The following FTO variants were observed in gnomAD, a reference collection of about 807,000 sequenced individuals.
FTO encodes the protein alpha-ketoglutarate-dependent dioxygenase FTO.
In FTO, 47 loss-of-function variants were observed where a neutral mutation model predicts 63.9. The ratio of observed to expected loss-of-function variants is 0.74; its 90% CI spans 0.58 to 0.94. The LOEUF is 0.94. Ranked by LOEUF, FTO falls within the 40% of genes least tolerant of loss-of-function variation. The pLI is 0.00. For missense variants in FTO, 562 were observed against 618.1 expected, an observed-to-expected ratio of 0.91 and a Z score of 0.96; for synonymous variants, 207 against 224.4, an observed-to-expected ratio of 0.92 and a Z score of 0.69.
At chr16:54,005,668 A>ATCATCAAACAACTACTATATACT in intron 8 of FTO, among the ~76,000 whole-genome samples, 1 of 152,222 alleles carries the variant, frequency 6.6e-6, no homozygotes, top group African/African-American at 2.4e-5. Context: ...TGATTCATGA[A>ATCATCAAACAACTACTATATACT]GTATTTATCA....
chr16:53,787,003 C>T (rs932415952), intron 1 of FTO, among the ~76,000 whole-genome samples: 2 of 146,482 alleles, frequency 1.4e-5, no homozygotes, highest in East Asian at 2.0e-4. Flanking sequence ...CCCAGCTACT[C>T]GGGAGGCTGA....
intron 7 of FTO, among the ~76,000 whole-genome samples, chr16:53,907,461 G>A (rs2081567839): frequency 1.3e-5 from 2 of 152,172 alleles, no homozygotes; most frequent in African/African-American, 4.8e-5. Context: ...GAGAGAGTAT[G>A]GGACTGTGTG....
chr16:53,902,891 A>T (rs2081438106), intron 7 of FTO, among the ~76,000 whole-genome samples: 1 of 152,202 alleles, frequency 6.6e-6, no homozygotes, highest in Admixed American at 6.5e-5. Flanking sequence ...AGGGGCGAGG[A>T]TCACTTCAGA....
chr16:53,940,398 G>C (rs2082499582), intron 8 of FTO, among the ~76,000 whole-genome samples: 1 of 152,102 alleles, frequency 6.6e-6, no homozygotes, highest in Non-Finnish European at 1.5e-5. Flanking sequence ...TTCCAAATGG[G>C]GCTGTCATTA....
Position 54,120,691 on chromosome 16 carries a change from C to G in FTO, c.*8776C>G, listed in dbSNP as rs2086999411. On this transcript the variant is annotated 3_prime_UTR_variant, in exon 9 of 9. Coordinates refer to ENST00000471389, the MANE Select transcript of FTO (RefSeq NM_001080432.3). The stretch of plus-strand genomic sequence containing the variant: ...GAAGGCTGTGAACATTCTTGAGCCC[C>G]CCTCCCAAGTTCACCTTCAACATCC... The G allele has an allele frequency of 6.6e-6, 1 of 152,006 alleles. No homozygotes were observed. Among genetic ancestry groups the G allele is most frequent in the African/African-American group, 2.4e-5 (1 of 41,386 alleles). 9.4% of individuals were successfully genotyped at this position (152,006 alleles called of 1,614,324 possible). A position where few individuals can be genotyped will look rare whatever the true frequency, so the allele number is the denominator to read the frequency against.
intron 8 of FTO, among the ~76,000 whole-genome samples, chr16:54,027,704 C>T (rs2084746292): frequency 6.6e-6 from 1 of 152,156 alleles, no homozygotes; most frequent in Non-Finnish European, 1.5e-5. Context: ...TCTGCTCTGC[C>T]TCTGGCCTGA....
intron 1 of FTO, among the ~76,000 whole-genome samples, chr16:53,725,777 T>C (rs924552302): frequency 2.0e-5 from 3 of 152,176 alleles, no homozygotes; most frequent in African/African-American, 4.8e-5. Flanking sequence ...GTGACTAGTG[T>C]TGCCTCTGGT....
chr16:54,000,947 T>A (rs1377821555), intron 8 of FTO, among the ~76,000 whole-genome samples: 1 of 152,196 alleles, frequency 6.6e-6, no homozygotes, highest in Non-Finnish European at 1.5e-5. Flanking sequence ...TGATCTTGGG[T>A]ATGTTACTTT....
intron 1 of FTO, among the ~76,000 whole-genome samples, chr16:53,769,284 A>G (rs527627057): frequency 6.6e-6 from 1 of 152,162 alleles, no homozygotes; most frequent in South Asian, 2.1e-4. Context: ...GATTCTCCGC[A>G]TTTATAGCAT....
chr16:54,049,250 A>G (rs1288608420), intron 8 of FTO, among the ~76,000 whole-genome samples: 1 of 152,208 alleles, frequency 6.6e-6, no homozygotes, highest in Non-Finnish European at 1.5e-5. Flanking sequence ...TCAGCAGTTT[A>G]TTTCTACAAG....
At chr16:53,887,487 G>T (rs1245382708) in intron 6 of FTO, among the ~76,000 whole-genome samples, 1 of 152,186 alleles carries the variant, frequency 6.6e-6, no homozygotes, top group Non-Finnish European at 1.5e-5. Context: ...GGAATAGGAG[G>T]ACTGCCAAGG....
chr16:54,078,650 T>A (rs2086060690), intron 8 of FTO, among the ~76,000 whole-genome samples: 2 of 152,116 alleles, frequency 1.3e-5, no homozygotes, highest in African/African-American at 4.8e-5. Flanking sequence ...CACATCTTTC[T>A]GCATCTGAAC....
intron 1 of FTO, among the ~76,000 whole-genome samples, chr16:53,789,778 A>C (rs1451484359): frequency 6.6e-6 from 1 of 150,616 alleles, no homozygotes; most frequent in Non-Finnish European, 1.5e-5. Context: ...ACACACACAC[A>C]CACATATATG....
At chr16:53,974,544 A>T (rs938328840) in intron 8 of FTO, among the ~76,000 whole-genome samples, 1 of 152,208 alleles carries the variant, frequency 6.6e-6, no homozygotes, top group Non-Finnish European at 1.5e-5. Flanking sequence ...AAGGCATTTC[A>T]TTTGTACAGC....
At chr16:54,070,771 T>G (rs1402197263) in intron 8 of FTO, 2 of 152,212 alleles carry the variant, frequency 1.3e-5, no homozygotes, top group African/African-American at 4.8e-5. Context: ...ACTGAACTTC[T>G]GAAATGTGAC....
At chr16:53,979,779 C>T (rs2143804304) in intron 8 of FTO, among the ~76,000 whole-genome samples, 1 of 152,294 alleles carries the variant, frequency 6.6e-6, no homozygotes, top group Admixed American at 6.5e-5. Flanking sequence ...CTTGCATTAA[C>T]TTTGCCTTCC....
Position 54,020,971 on chromosome 16 carries a change from A to C in FTO, c.1364+86862A>C, listed in dbSNP as rs139561338. ...GGGCAACAGAGTGAGACTTTGTCTC[A>C]AAAAAAGAAAAAAAAAGAATTTTCC... On this transcript the variant is annotated intron_variant, in intron 8 of 8. Transcript: ENST00000471389. Among the ~76,000 whole-genome samples the C allele has an allele frequency of 1.4e-3, 219 of 152,234 alleles. 2 individuals carry two copies. Among genetic ancestry groups the C allele is most frequent in the African/African-American group, 4.8e-3 (199 of 41,530 alleles).
At chr16:54,049,901 C>T (rs1286496544) in intron 8 of FTO, among the ~76,000 whole-genome samples, 1 of 152,224 alleles carries the variant, frequency 6.6e-6, no homozygotes, top group South Asian at 2.1e-4. Flanking sequence ...AGCGTCAAAG[C>T]ATTACCTGGC....
At chr16:53,821,930 C>G (rs1314250516) in intron 2 of FTO, among the ~76,000 whole-genome samples, 1 of 152,146 alleles carries the variant, frequency 6.6e-6, no homozygotes, top group East Asian at 1.9e-4. Context: ...GCTCAGAGAT[C>G]CAAGCAGCCA....
Sources: allele counts gnomAD v4.1 joint callset (sites outside exome capture counted in the v4.1 genomes callset), GRCh38; gene constraint gnomAD v4.1.1; transcripts MANE v1.5; gene names NCBI Gene and HGNC (gene_info 2026-07-23, HGNC 2026-07-21).